Variants in LIPA observed in about 807,000 individuals in gnomAD.
LIPA encodes the protein lipase A, lysosomal acid type.
A neutral mutation model predicts 40.6 loss-of-function variants in LIPA; 26 were observed. The ratio of observed to expected loss-of-function variants is 0.64; its 90% CI spans 0.47 to 0.89. The LOEUF is 0.89. Among genes scored for constraint, LIPA ranks in the 40% least tolerant of loss-of-function variants. The probability of loss-of-function intolerance (pLI) is 0.00; values close to 1 mark genes in which losing one functional copy is unlikely to be tolerated. For missense variants in LIPA, 455 were observed against 479.6 expected (o/e 0.95, Z 0.48); for synonymous variants, 188 against 168.4 (o/e 1.12, Z -0.90).
chr10:89,281,866 G>A (rs183975983), intron 1 of LIPA, among the ~76,000 whole-genome samples: 164 of 152,328 alleles, frequency 1.1e-3, no homozygotes, highest in East Asian at 3.9e-3. Context: ...GCCAGCTACT[G>A]AGAACTATAC....
chr10:89,233,512 A>C (rs1221512429), intron 3 of LIPA, among the ~76,000 whole-genome samples: 1 of 152,254 alleles, frequency 6.6e-6, no homozygotes, highest in Non-Finnish European at 1.5e-5. Flanking sequence ...TTGAAAACAT[A>C]CATTACGTTT....
At chr10:89,331,858 C>CAAA (rs10540155) in intron 1 of LIPA, among the ~76,000 whole-genome samples, 1 of 80,590 alleles carries the variant, frequency 1.2e-5, no homozygotes, top group Non-Finnish European at 2.6e-5. Flanking sequence ...GATCCTGTCT[C>CAAA]AAAAAAAAAA....
At chr10:89,228,844 C>T (rs530100822) in intron 3 of LIPA, among the ~76,000 whole-genome samples, 23 of 152,254 alleles carry the variant, frequency 1.5e-4, no homozygotes, top group East Asian at 1.2e-3. Context: ...CATCCAAAAA[C>T]GCTGAAAACA....
intron 1 of LIPA, among the ~76,000 whole-genome samples, chr10:89,287,871 T>G (rs892936156): frequency 6.6e-6 from 1 of 152,140 alleles, no homozygotes; most frequent in Non-Finnish European, 1.5e-5. Context: ...CTATCCACCC[T>G]GTAGTGCCCA....
At chr10:89,298,858 T>C (rs1295607015) in intron 1 of LIPA, among the ~76,000 whole-genome samples, 1 of 151,850 alleles carries the variant, frequency 6.6e-6, no homozygotes, top group African/African-American at 2.4e-5. Context: ...CGGTGGTACA[T>C]GCCTGTAATC....
intron 1 of LIPA, chr10:89,338,831 A>G (rs372986222): frequency 6.2e-7 from 1 of 1,614,200 alleles, no homozygotes; most frequent in Non-Finnish European, 8.5e-7. Context: ...TTGTTGGCCT[A>G]CATAAAACAC....
chr10:89,392,295 C>G (rs548041450), intron 2 of LIPA, among the ~76,000 whole-genome samples: 1 of 152,260 alleles, frequency 6.6e-6, no homozygotes, highest in African/African-American at 2.4e-5. Flanking sequence ...GTGTATTCAT[C>G]CAGAATCCAG....
intron 1 of LIPA, among the ~76,000 whole-genome samples, chr10:89,250,098 C>CTTTCTTTTT (rs1564767178): frequency 3.0e-5 from 3 of 101,684 alleles, no homozygotes; most frequent in Non-Finnish European, 5.8e-5. Context: ...TTTTTCTTTT[C>CTTTCTTTTT]TTTTCTTTCT....
At chr10:89,403,559 G>A (rs2133634253) in intron 2 of LIPA, 1 of 1,614,048 alleles carries the variant, frequency 6.2e-7, no homozygotes, top group East Asian at 2.2e-5. Context: ...TGGTTTTAAG[G>A]AAACTTCGGA....
intron 1 of LIPA, among the ~76,000 whole-genome samples, chr10:89,334,877 A>G (rs1843711473): frequency 6.6e-6 from 1 of 151,992 alleles, no homozygotes; most frequent in East Asian, 1.9e-4. Context: ...ATTACTGTTA[A>G]CTAACTTATT....
intron 2 of LIPA, among the ~76,000 whole-genome samples, chr10:89,409,613 T>C (rs1841455104): frequency 6.6e-6 from 1 of 152,168 alleles, no homozygotes; most frequent in Non-Finnish European, 1.5e-5. Flanking sequence ...GCCCCAGGTA[T>C]GTATAACCAT....
intron 1 of LIPA, chr10:89,305,847 T>G: frequency 1.4e-6 from 1 of 714,382 alleles, no homozygotes; most frequent in Non-Finnish European, 2.4e-6. Context: ...AGAAGGGGAG[T>G]TTCTTTGATT....
At chr10:89,382,352 G>A (rs1486020993) in intron 2 of LIPA, among the ~76,000 whole-genome samples, 1 of 152,128 alleles carries the variant, frequency 6.6e-6, no homozygotes, top group African/African-American at 2.4e-5. Flanking sequence ...AGGATGTGAG[G>A]ACCACTTTTT....
intron 4 of LIPA, among the ~76,000 whole-genome samples, chr10:89,227,234 G>A (rs1054718745): frequency 6.6e-6 from 1 of 152,136 alleles, no homozygotes; most frequent in Admixed American, 6.5e-5. Context: ...AATTAGTTTC[G>A]CCTGTTTTTA....
intron 1 of LIPA, among the ~76,000 whole-genome samples, chr10:89,325,938 C>G (rs1037405098): frequency 6.6e-6 from 1 of 152,004 alleles, no homozygotes; most frequent in African/African-American, 2.4e-5. Flanking sequence ...CAGGCAATAA[C>G]AAATGCTGGC....
chr10:89,400,842 C>T (rs907211729), intron 2 of LIPA, among the ~76,000 whole-genome samples: 2 of 152,116 alleles, frequency 1.3e-5, no homozygotes, highest in African/African-American at 4.8e-5. Context: ...CATTCCTGAT[C>T]GTGGAGGAAA....
intron 1 of LIPA, among the ~76,000 whole-genome samples, chr10:89,250,106 TC>T (rs1843096236): frequency 2.4e-5 from 3 of 125,034 alleles, no homozygotes; most frequent in African/African-American, 1.0e-4. Flanking sequence ...TTCTTTTCTT[TC>T]TTTTTTTTTT....
chr10:89,355,697 G>A (rs1843984943), intron 2 of LIPA, among the ~76,000 whole-genome samples: 1 of 152,164 alleles, frequency 6.6e-6, no homozygotes, highest in African/African-American at 2.4e-5. Flanking sequence ...ACAGGATGCG[G>A]TAAAGAAGCC....
intron 2 of LIPA, among the ~76,000 whole-genome samples, chr10:89,388,759 T>C (rs1019077142): frequency 1.3e-5 from 2 of 151,840 alleles, no homozygotes; most frequent in Non-Finnish European, 2.9e-5. Flanking sequence ...TGAAATTTCT[T>C]GTGTCTATAG....
Sources: gnomAD v4.1 joint callset for allele counts (sites outside exome capture counted in the v4.1 genomes callset) on GRCh38, gnomAD v4.1.1 for gene constraint, MANE v1.5 for transcripts, NCBI Gene and HGNC (gene_info 2026-07-23, HGNC 2026-07-21) for gene names.